The following MATN2 variants were observed in gnomAD, a reference collection of about 807,000 sequenced individuals.
The protein encoded by MATN2 is matrilin 2.
Under a neutral mutation model 103.2 loss-of-function variants are expected in MATN2, and 69 were observed. The observed-to-expected ratio is 0.67, with a 90% confidence interval of 0.55 to 0.82. The LOEUF is 0.82. Among genes scored for constraint, MATN2 ranks in the 40% least tolerant of loss-of-function variants. MATN2 has a pLI of 0.00. For synonymous variants in MATN2, 429 were observed against 450.2 expected, an observed-to-expected ratio of 0.95 and a Z score of 0.60; for missense variants, 1,023 against 1,211.5, an observed-to-expected ratio of 0.84 and a Z score of 2.31.
chr8:98,010,859 G>C (rs566643864), intron 10 of MATN2, among the ~76,000 whole-genome samples: 1 of 152,352 alleles, frequency 6.6e-6, no homozygotes, highest in African/African-American at 2.4e-5. Context: ...GCAGATCTGC[G>C]AGGGCCTGTT....
intron 4 of MATN2, among the ~76,000 whole-genome samples, chr8:97,944,640 G>A (rs1424714242): frequency 6.6e-6 from 1 of 152,172 alleles, no homozygotes; most frequent in Non-Finnish European, 1.5e-5. Flanking sequence ...GGGACGGGTG[G>A]TAACAAATCA....
At chr8:97,967,218 C>T (rs1022685655) in intron 5 of MATN2, among the ~76,000 whole-genome samples, 17 of 152,300 alleles carry the variant, frequency 1.1e-4, no homozygotes, top group South Asian at 2.1e-4. Flanking sequence ...TTGGGAATCA[C>T]GTTTCAACAT....
intron 6 of MATN2, among the ~76,000 whole-genome samples, chr8:97,984,978 T>C (rs1812146605): frequency 6.6e-6 from 1 of 152,212 alleles, no homozygotes; most frequent in African/African-American, 2.4e-5. Flanking sequence ...TGAAATTCTA[T>C]GAAATAAAAT....
chr8:97,975,373 C>A (rs1401929427), intron 5 of MATN2, among the ~76,000 whole-genome samples: 4 of 152,200 alleles, frequency 2.6e-5, no homozygotes, highest in African/African-American at 9.7e-5. Context: ...GGCTTAGATT[C>A]AAAGCCTAAG....
At chr8:97,938,162 CA>C (rs1810440409) in intron 3 of MATN2, among the ~76,000 whole-genome samples, 1 of 152,182 alleles carries the variant, frequency 6.6e-6, no homozygotes, top group Admixed American at 6.5e-5. Flanking sequence ...GTTGCCTACA[CA>C]CTACACTTCC....
At chr8:97,991,823 C>G (rs549027442) in intron 6 of MATN2, among the ~76,000 whole-genome samples, 1 of 152,088 alleles carries the variant, frequency 6.6e-6, no homozygotes, top group Admixed American at 6.6e-5. Context: ...CTCAGCTTCA[C>G]AAAGCATTGG....
In MATN2 at chr8:97,877,461, G is replaced by A. The variant is rs1280809709; in HGVS notation, c.-27+8174G>A. On this transcript the variant is annotated intron_variant, in intron 1 of 18. Coordinates refer to ENST00000254898, the MANE Select transcript of MATN2 (RefSeq NM_002380.5). ...CATTGCATTCCAGCCTGAGCAACGAGAGTGAAACTCAGTCTCAAAAAAAAA... is the reference window on the plus strand; with the variant it reads ...CATTGCATTCCAGCCTGAGCAACGAAAGTGAAACTCAGTCTCAAAAAAAAA... Among the ~76,000 whole-genome samples the A allele has an allele frequency of 2.6e-5, 4 of 151,630 alleles. No homozygotes were observed. In the East Asian group the frequency reaches 7.9e-4, roughly 30 times the overall value.
chr8:98,028,190 T>C (rs1271076391), intron 14 of MATN2, among the ~76,000 whole-genome samples: 1 of 152,228 alleles, frequency 6.6e-6, no homozygotes, highest in Non-Finnish European at 1.5e-5. Flanking sequence ...ACTGAAGACT[T>C]TGTTAAATTG....
At chr8:97,970,740 G>A (rs1811627628) in intron 5 of MATN2, among the ~76,000 whole-genome samples, 1 of 152,090 alleles carries the variant, frequency 6.6e-6, no homozygotes, top group Non-Finnish European at 1.5e-5. Context: ...TTGAGACCAG[G>A]AGTTTGAGAC....
At chr8:98,028,573 A>T (rs903673192) in intron 14 of MATN2, among the ~76,000 whole-genome samples, 2 of 151,868 alleles carry the variant, frequency 1.3e-5, no homozygotes, top group Non-Finnish European at 2.9e-5. Flanking sequence ...GAGGTTGTGA[A>T]CTAGTTTGCT....
intron 12 of MATN2, among the ~76,000 whole-genome samples, chr8:98,020,131 G>C (rs1280616322): frequency 1.3e-5 from 2 of 152,070 alleles, no homozygotes; most frequent in Non-Finnish European, 2.9e-5. Context: ...TGCACTGCTT[G>C]TTCATGCTTT....
In MATN2 at chr8:97,930,954, G is replaced by C. The variant is rs1295455184; in HGVS notation, c.144G>C (p.Glu48Asp). 1.9e-6 allele frequency: 3 copies of C among 1,601,722 alleles called. No homozygotes were observed. In the East Asian group the frequency reaches 6.7e-5, roughly 36 times the overall value. The change falls in exon 3 of 19, where the codon GAG (glutamate) becomes GAC (aspartate). Residue 48 changes from glutamate to aspartate, a missense_variant and splice_region_variant. Transcript: ENST00000254898. ...ATTTGACCTCTCCTCTTTCCCCAGAGAGTTCCTGTGAGAACAAGCGGGCAG... is the reference window on the plus strand; with the variant it reads ...ATTTGACCTCTCCTCTTTCCCCAGACAGTTCCTGTGAGAACAAGCGGGCAG... ...ARTHPQTALLESSCENKRADL... is the reference protein window; with the variant it reads ...ARTHPQTALLDSSCENKRADL...
intron 2 of MATN2, among the ~76,000 whole-genome samples, chr8:97,925,467 G>A (rs1213034433): frequency 1.3e-5 from 2 of 151,750 alleles, no homozygotes; most frequent in Non-Finnish European, 2.9e-5. Context: ...ATCTATTAAA[G>A]AACAGTAACA....
rs139362959 is a variant in MATN2, at chr8:97,877,146, A to G, written c.-27+7859A>G. On this transcript the variant is annotated intron_variant, in intron 1 of 18. Transcript: ENST00000254898. ...CTCAGCCTCCCGAGTAGCTGGGACT[A>G]TAAGTGTGTACCACCATGCTCAGCT... 3.0e-4 allele frequency among the ~76,000 whole-genome samples: 45 copies of G among 151,838 alleles called. 1 individual carries two copies. The East Asian group carries it at 6.6e-3, about 22-fold the overall frequency.
At chr8:97,989,050 T>G (rs1245443235) in intron 6 of MATN2, among the ~76,000 whole-genome samples, 1 of 152,196 alleles carries the variant, frequency 6.6e-6, no homozygotes, top group Admixed American at 6.5e-5. Flanking sequence ...CAAAACTCAA[T>G]CAATGTAATT....
At chr8:97,994,087 AAAG>A (rs1812483774) in intron 6 of MATN2, among the ~76,000 whole-genome samples, 1 of 150,878 alleles carries the variant, frequency 6.6e-6, no homozygotes, top group Non-Finnish European at 1.5e-5. Flanking sequence ...AGAAAGAAAG[AAAG>A]AAGAAAGGAA....
At chr8:97,971,215 T>TG (rs1811644089) in intron 5 of MATN2, among the ~76,000 whole-genome samples, 3 of 152,194 alleles carry the variant, frequency 2.0e-5, no homozygotes, top group Non-Finnish European at 4.4e-5. Context: ...AAATGTAACT[T>TG]TCTCAAGTTT....
At position 97,978,883 on chromosome 8, in the gene MATN2, C is replaced by T. The variant is rs371269983; in HGVS notation, c.959-3C>T. ...AATTCTGAATGTGTTTTATTCTCTCCAGCTGTGGACTACTGTGCCTCAGAA... is the reference window on the plus strand; with the variant it reads ...AATTCTGAATGTGTTTTATTCTCTCTAGCTGTGGACTACTGTGCCTCAGAA... On this transcript the variant is annotated splice_region_variant and splice_polypyrimidine_tract_variant and intron_variant, in intron 5 of 18. Coordinates refer to ENST00000254898, the MANE Select transcript of MATN2 (RefSeq NM_002380.5). The T allele has an allele frequency of 5.8e-5, 94 of 1,613,754 alleles. No individual in the cohort carries two copies. In the African/African-American group the frequency reaches 1.1e-3, roughly 20 times the overall value.
intron 12 of MATN2, among the ~76,000 whole-genome samples, chr8:98,018,522 T>A (rs1053899663): frequency 2.0e-5 from 3 of 152,282 alleles, no homozygotes; most frequent in Non-Finnish European, 4.4e-5. Flanking sequence ...AAAGGGTGTA[T>A]TCGTCCATTT....
Sources: gnomAD v4.1 joint callset for allele counts (sites outside exome capture counted in the v4.1 genomes callset) on GRCh38, gnomAD v4.1.1 for gene constraint, MANE v1.5 for transcripts, NCBI Gene and HGNC (gene_info 2026-07-23, HGNC 2026-07-21) for gene names.